Variants in PDC observed in about 807,000 individuals in gnomAD.
PDC encodes phosducin, also known as 33 kDa phototransducing protein.
PDC carries 19 observed loss-of-function variants against 22.2 expected under a neutral mutation model. That is an observed-to-expected ratio of 0.86 (90% CI 0.60 to 1.26). The LOEUF is 1.26. Among genes scored for constraint, PDC ranks in the 50% most tolerant of loss-of-function variants. PDC has a pLI of 0.00. For missense variants in PDC, 274 were observed against 286.8 expected (o/e 0.96, Z 0.32); for synonymous variants, 97 against 96.2 (o/e 1.01, Z -0.05).
Position 186,444,101 on chromosome 1 carries a change from G to C in PDC, c.619C>G (p.Gln207Glu), listed in dbSNP as rs373180007. 1.1e-5 allele frequency: 18 copies of C among 1,613,912 alleles called. No individual in the cohort carries two copies. Among genetic ancestry groups the C allele is most frequent in the Middle Eastern group, 1.6e-4 (1 of 6,062 alleles). ...CCAGCAAAAAATTCTTCAGCAAACT[G>C]TTCAGCAACACTAATAAAATTGCTT... Reference protein sequence around the residue: ...LISNFISVAEQFAEEFFAGDV... With the variant: ...LISNFISVAEEFAEEFFAGDV... Residue 207 changes from glutamine (Q) to glutamate (E), a missense_variant, in exon 4 of 4, where the codon CAG (glutamine) becomes GAG (glutamate). Coordinates refer to ENST00000391997, the MANE Select transcript of PDC (RefSeq NM_002597.5).
intron 1 of PDC, among the ~76,000 whole-genome samples, chr1:186,453,083 A>G (rs1407370568): frequency 6.6e-6 from 1 of 152,212 alleles, no homozygotes; most frequent in Non-Finnish European, 1.5e-5. Flanking sequence ...AATACAGCTT[A>G]AAATAGAATT....
At chr1:186,452,132 A>G (rs1019624037) in intron 1 of PDC, among the ~76,000 whole-genome samples, 6 of 152,232 alleles carry the variant, frequency 3.9e-5, no homozygotes, top group African/African-American at 1.4e-4. Context: ...AATAGATTTC[A>G]TCTACCTTCC....
chr1:186,459,383 G>GC (rs1662533342), intron 1 of PDC, among the ~76,000 whole-genome samples: 1 of 152,170 alleles, frequency 6.6e-6, no homozygotes, highest in African/African-American at 2.4e-5. Flanking sequence ...CGGGTCTCCA[G>GC]CCCCTAACCG....
intron 1 of PDC, 149 bp from the exon 2 acceptor site, chr1:186,449,632 A>C: frequency 2.2e-6 from 1 of 451,236 alleles, no homozygotes; most frequent in Non-Finnish European, 4.0e-6. Flanking sequence ...TCAGTGGTAA[A>C]GTAAGTGGTA....
At chr1:186,445,444 TC>T (rs1279298923) in intron 3 of PDC, among the ~76,000 whole-genome samples, 5 of 152,192 alleles carry the variant, frequency 3.3e-5, no homozygotes, top group Non-Finnish European at 1.5e-5. Flanking sequence ...TTTCATTACT[TC>T]TTTCTTTTGC....
chr1:186,446,063 A>G (rs1363668421), intron 3 of PDC, among the ~76,000 whole-genome samples: 1 of 152,178 alleles, frequency 6.6e-6, no homozygotes, highest in Non-Finnish European at 1.5e-5. Context: ...TATGTGTTAC[A>G]TTTGTGTAGT....
chr1:186,452,317 C>A (rs1307523974), intron 1 of PDC, among the ~76,000 whole-genome samples: 3 of 152,224 alleles, frequency 2.0e-5, no homozygotes, highest in Non-Finnish European at 2.9e-5. Context: ...CCCCTCACTG[C>A]AACCTCTGCC....
chr1:186,458,312 T>C (rs2102140062), intron 1 of PDC, among the ~76,000 whole-genome samples: 1 of 145,082 alleles, frequency 6.9e-6, no homozygotes, highest in East Asian at 2.0e-4. Context: ...TTAAGTGGCA[T>C]CTGGGACAAA....
At chr1:186,446,848 G>A (rs1392654602) in intron 2 of PDC, among the ~76,000 whole-genome samples, 1 of 152,122 alleles carries the variant, frequency 6.6e-6, no homozygotes, top group African/African-American at 2.4e-5. Context: ...ACTGGCAAAA[G>A]GTTGGGGTTA....
intron 1 of PDC, among the ~76,000 whole-genome samples, chr1:186,449,845 A>G (rs1662314177): frequency 6.6e-6 from 1 of 152,106 alleles, no homozygotes; most frequent in Admixed American, 6.6e-5. Flanking sequence ...ATTTGAATAT[A>G]TGACGTAATA....
At chr1:186,460,175 T>C (rs1164583442) in intron 1 of PDC, among the ~76,000 whole-genome samples, 4 of 152,170 alleles carry the variant, frequency 2.6e-5, no homozygotes, top group African/African-American at 9.7e-5. Context: ...TATCTGAGGT[T>C]TTTCTTTCTG....
chr1:186,455,353 T>C (rs1252164237), intron 1 of PDC, among the ~76,000 whole-genome samples: 8 of 152,192 alleles, frequency 5.3e-5, no homozygotes, highest in African/African-American at 7.2e-5. Flanking sequence ...TACTGTCATA[T>C]TGGGGGTTAG....
At chr1:186,448,342 T>C (rs1023114188) in intron 2 of PDC, among the ~76,000 whole-genome samples, 1 of 152,166 alleles carries the variant, frequency 6.6e-6, no homozygotes, top group Non-Finnish European at 1.5e-5. Context: ...TCTGTTTCTT[T>C]TTTTCCCCAT....
rs747751839 is a variant in PDC, at chr1:186,444,471, C to T, written c.249G>A (p.Glu83=). 5.6e-6 allele frequency: 9 copies of T among 1,605,976 alleles called. No homozygotes were observed. Among genetic ancestry groups the T allele is most frequent in the Non-Finnish European group, 6.0e-6 (7 of 1,173,168 alleles). The part of the protein sequence containing the change: ...SIQEYELIHK[E]KEDENCLRKY... ...TACGAAGGCAGTTTTCATCCTCTTT[C>T]TCTTTATGGATTAGTTCATATTCTT... Residue 83 remains glutamate (E), a synonymous_variant, in exon 4 of 4, where the codon GAG becomes GAA. Transcript: ENST00000391997.
chr1:186,447,763 A>C (rs1333044394), intron 2 of PDC, among the ~76,000 whole-genome samples: 1 of 152,028 alleles, frequency 6.6e-6, no homozygotes, highest in Non-Finnish European at 1.5e-5. Context: ...TATGCAGGCA[A>C]TCAAAGCTTT....
rs1662232319 is a variant in PDC at position 186,446,545 on chromosome 1, A to G, written c.94T>C (p.Phe32Leu). The stretch of plus-strand genomic sequence containing the variant: ...TCACTGTCTTGACTCTCTAATTTAA[A>G]CTTTCTCCAATCATTTATTACTCCT... ...PKGVINDWRK[F>L]KLESQDSDSI... Residue 32 changes from phenylalanine (F) to leucine (L), a missense_variant, in exon 3 of 4, where the codon TTT becomes CTT. Transcript: ENST00000391997. 2.5e-6 allele frequency: 4 copies of G among 1,588,684 alleles called. No homozygotes were observed. Among genetic ancestry groups the G allele is most frequent in the Non-Finnish European group, 3.4e-6 (4 of 1,160,524 alleles).
chr1:186,450,513 G>GT (rs567911921), intron 1 of PDC, among the ~76,000 whole-genome samples: 57 of 150,946 alleles, frequency 3.8e-4, no homozygotes, highest in Admixed American at 1.8e-3. Context: ...CCCTGCTAAT[G>GT]TTTTTTTTTA....
At position 186,444,100 on chromosome 1, in the gene PDC, T is replaced by A. The variant is rs769544303; in HGVS notation, c.620A>T (p.Gln207Leu). 14 of 1,614,054 alleles carry A rather than the reference T, an allele frequency of 8.7e-6. No homozygotes were observed. The highest frequency in any genetic ancestry group is 1.2e-5 in the Non-Finnish European group (14 of 1,179,942). ...CCCAGCAAAAAATTCTTCAGCAAACTGTTCAGCAACACTAATAAAATTGCT... is the reference window on the plus strand; with the variant it reads ...CCCAGCAAAAAATTCTTCAGCAAACAGTTCAGCAACACTAATAAAATTGCT... ...LISNFISVAEQFAEEFFAGDV... is the reference protein window; with the variant it reads ...LISNFISVAELFAEEFFAGDV... Residue 207 changes from glutamine (Q) to leucine (L), a missense_variant, in exon 4 of 4, where the codon CAG becomes CTG. Transcript: ENST00000391997.
At chr1:186,447,963 C>T (rs544990671) in intron 2 of PDC, among the ~76,000 whole-genome samples, 1 of 152,108 alleles carries the variant, frequency 6.6e-6, no homozygotes, top group Non-Finnish European at 1.5e-5. Context: ...GAGATTTTTT[C>T]AGTATACACA....
Sources: gnomAD v4.1 joint callset for allele counts (sites outside exome capture counted in the v4.1 genomes callset) on GRCh38, gnomAD v4.1.1 for gene constraint, MANE v1.5 for transcripts, NCBI Gene and HGNC (gene_info 2026-07-23, HGNC 2026-07-21) for gene names.